The following MLEC variants were observed in gnomAD, a reference collection of about 807,000 sequenced individuals.
MLEC encodes the protein oligosaccharyltransferase complex subunit (non-catalytic).
A neutral mutation model predicts 28.7 loss-of-function variants in MLEC; 7 were observed. The observed-to-expected ratio is 0.24, with a 90% confidence interval of 0.14 to 0.46. The LOEUF (loss-of-function observed/expected upper bound fraction) is 0.46. Ranked by LOEUF, MLEC falls within the 20% of genes least tolerant of loss-of-function variation. MLEC has a pLI of 0.99. For missense variants in MLEC, 237 were observed against 391.1 expected (o/e 0.61, Z 3.32); for synonymous variants, 142 against 164.4 (o/e 0.86, Z 1.04).
In MLEC at chr12:120,694,163, G is replaced by A. The variant is rs1254455106; in HGVS notation, c.308G>A (p.Arg103Gln). 3 of 1,614,168 alleles carry A rather than the reference G, an allele frequency of 1.9e-6. No individual in the cohort carries two copies. Among genetic ancestry groups the A allele is most frequent in the Admixed American group, 1.7e-5 (1 of 60,022 alleles). Residue 103 changes from arginine to glutamine, a missense_variant, in exon 2 of 5, where the codon CGG (arginine) becomes CAG (glutamine). Coordinates refer to ENST00000228506, the MANE Select transcript of MLEC (RefSeq NM_014730.4). The surrounding 1 kb of genome is among the most constrained non-coding windows in gnomAD (Gnocchi z 4.5). ...PEDQILYQTE[R>Q]YNEETFGYEV... is the part of the protein sequence containing the mutation. ...GACCAGATCCTGTATCAAACTGAGC[G>A]GTACAATGAGGAGACCTTTGGCTAC...
chr12:120,699,826 G>C lies in MLEC; in HGVS notation c.*3281G>C, dbSNP rs373694694. On this transcript the variant is annotated 3_prime_UTR_variant, in exon 5 of 5. Coordinates refer to ENST00000228506, the MANE Select transcript of MLEC (RefSeq NM_014730.4). Reference sequence around the variant, plus strand: ...TGGGATCACGTTAGCGGGCATTTAGGCTTTGATGAGAGGGCACAGTTTGAG... The same window carrying C: ...TGGGATCACGTTAGCGGGCATTTAGCCTTTGATGAGAGGGCACAGTTTGAG... 5 of 152,606 alleles carry C rather than the reference G, an allele frequency of 3.3e-5. No individual in the cohort carries two copies. Among genetic ancestry groups the C allele is most frequent in the African/African-American group, 1.2e-4 (5 of 41,416 alleles). The allele number at this position is 152,606 out of a possible 1,614,324, so 9.5% of individuals were successfully genotyped here.
Position 120,687,591 on chromosome 12 carries a change from CG to C in MLEC, c.235+65del. ...GCCTGCTGTGCTGGGCGCAGCCGGC[CG>C]GGGGCTGCGGGCCCCGAGCCCCTTT... On this transcript the variant is annotated intron_variant, in intron 1 of 4. Coordinates refer to ENST00000228506, the MANE Select transcript of MLEC (RefSeq NM_014730.4). This position sits in a 1 kb window ranked among gnomAD's most constrained non-coding sequence, Gnocchi z 8.1. 1.6e-5 allele frequency: 21 copies of C among 1,305,900 alleles called. No homozygotes were observed. The highest frequency in any genetic ancestry group is 2.7e-4 in the Middle Eastern group (1 of 3,662). 80.9% of individuals were successfully genotyped at this position (1,305,900 alleles called of 1,614,324 possible). A position where few individuals can be genotyped will look rare whatever the true frequency, so the allele number is the denominator to read the frequency against.
At position 120,696,849 on chromosome 12, in the gene MLEC, G is replaced by T; in HGVS notation, c.*304G>T. ...TCAAGGATCCTCATTTGTATACCTA[G>T]TGGAAAGGACTCTGAACTCAGAGGA... On this transcript the variant is annotated 3_prime_UTR_variant, in exon 5 of 5. Coordinates refer to ENST00000228506, the MANE Select transcript of MLEC (RefSeq NM_014730.4). This position sits in a 1 kb window ranked among gnomAD's most constrained non-coding sequence, Gnocchi z 5.4. 2.7e-6 allele frequency: 1 copy of T among 369,096 alleles called. No homozygotes were observed. Among genetic ancestry groups the T allele is most frequent in the Non-Finnish European group, 5.0e-6 (1 of 201,362 alleles). 22.9% of individuals were successfully genotyped at this position (369,096 alleles called of 1,614,324 possible).
chr12:120,696,870 G>C lies in MLEC; in HGVS notation c.*325G>C. The C allele has an allele frequency of 3.4e-6, 1 of 291,598 alleles. No individual in the cohort carries two copies. The highest frequency in any genetic ancestry group is 5.2e-5 in the South Asian group (1 of 19,134). 18.1% of individuals were successfully genotyped at this position (291,598 alleles called of 1,614,324 possible). On this transcript the variant is annotated 3_prime_UTR_variant, in exon 5 of 5. Transcript: ENST00000228506. This position sits in a 1 kb window ranked among gnomAD's most constrained non-coding sequence, Gnocchi z 5.4. Reference sequence around the variant, plus strand: ...CCTAGTGGAAAGGACTCTGAACTCAGAGGAGTCACTGTTCCTTTTTTTAGG... The same window carrying C: ...CCTAGTGGAAAGGACTCTGAACTCACAGGAGTCACTGTTCCTTTTTTTAGG...
rs1882417550 is a variant in MLEC at position 120,700,793 on chromosome 12, C to T, written c.*4248C>T. 6.6e-6 allele frequency: 1 copy of T among 152,200 alleles called. No individual in the cohort carries two copies. Among genetic ancestry groups the T allele is most frequent in the Non-Finnish European group, 1.5e-5 (1 of 68,050 alleles). 9.4% of individuals were successfully genotyped at this position (152,200 alleles called of 1,614,324 possible). On this transcript the variant is annotated 3_prime_UTR_variant, in exon 5 of 5. Coordinates refer to ENST00000228506, the MANE Select transcript of MLEC (RefSeq NM_014730.4). The surrounding 1 kb of genome is among the most constrained non-coding windows in gnomAD (Gnocchi z 4.0). ...ATTTTGTTATGAGACTAGATTGGTA[C>T]CAGTAGATCAGCTGCCTAGCGAGGG...
rs1882339021 is a variant in MLEC, at chr12:120,698,889, A to G, written c.*2344A>G. On this transcript the variant is annotated 3_prime_UTR_variant, in exon 5 of 5. Transcript: ENST00000228506. ...CGCTTTCCTCTCTGGTTGTGAACGA[A>G]AGGAAGGAACATCTTTCTATGGCTA... The G allele has an allele frequency of 6.6e-6, 1 of 152,584 alleles. No individual in the cohort carries two copies. The highest frequency in any genetic ancestry group is 1.5e-5 in the Non-Finnish European group (1 of 68,038). 9.5% of individuals were successfully genotyped at this position (152,584 alleles called of 1,614,324 possible).
intron 4 of MLEC, among the ~76,000 whole-genome samples, chr12:120,695,626 G>A (rs1882203214): frequency 6.6e-6 from 1 of 152,196 alleles, no homozygotes; most frequent in South Asian, 2.1e-4. Context: ...TTATCCTTGG[G>A]ATCAAGTCTT....
Position 120,694,984 on chromosome 12 carries a change from A to C in MLEC, c.575A>C (p.Tyr192Ser), listed in dbSNP as rs1212997458. Residue 192 changes from tyrosine (Y) to serine (S), a missense_variant, in exon 3 of 5, where the codon TAC becomes TCC. By Grantham distance (144) the Tyr-to-Ser change is moderately radical. Coordinates refer to ENST00000228506, the MANE Select transcript of MLEC (RefSeq NM_014730.4). The surrounding 1 kb of genome is among the most constrained non-coding windows in gnomAD (Gnocchi z 4.5). Reference sequence around the variant, plus strand: ...GTGTCCACCTTCACAGGGAAACTCTACATTGAGTTTGTCAAGGTAATTCCC... The same window carrying C: ...GTGTCCACCTTCACAGGGAAACTCTCCATTGAGTTTGTCAAGGTAATTCCC... The part of the protein sequence containing the change: ...GEVSTFTGKL[Y>S]IEFVKGYYDN... 2 of 1,614,066 alleles carry C rather than the reference A, an allele frequency of 1.2e-6. No homozygotes were observed. The highest frequency in any genetic ancestry group is 1.7e-6 in the Non-Finnish European group (2 of 1,180,042).
intron 1 of MLEC, among the ~76,000 whole-genome samples, chr12:120,692,198 C>T (rs190977717): frequency 1.0e-3 from 158 of 152,250 alleles, no homozygotes; most frequent in Admixed American, 0.01. Context: ...CAATTCCCCA[C>T]CCATGCACAA....
In MLEC at chr12:120,687,347, G is replaced by A. The variant is rs1881860961; in HGVS notation, c.51G>A (p.Leu17=). 3.8e-6 allele frequency: 5 copies of A among 1,317,800 alleles called. No homozygotes were observed. Among genetic ancestry groups the A allele is most frequent in the Non-Finnish European group, 4.9e-6 (5 of 1,023,128 alleles). 81.6% of individuals were successfully genotyped at this position (1,317,800 alleles called of 1,614,324 possible). A position where few individuals can be genotyped will look rare whatever the true frequency, so the allele number is the denominator to read the frequency against. ...VEGTAVALLR[L]LLLLLPPAIR... is the part of the protein sequence containing the mutation. The stretch of plus-strand genomic sequence containing the variant: ...GAACCGCTGTGGCGCTCCTGCGACT[G>A]CTGCTGCTGCTGCTGCCGCCGGCGA... Residue 17 remains leucine, a synonymous_variant, in exon 1 of 5, where the codon CTG becomes CTA. Transcript: ENST00000228506. This position sits in a 1 kb window ranked among gnomAD's most constrained non-coding sequence, Gnocchi z 8.1.
chr12:120,688,475 A>G (rs1010541998), intron 1 of MLEC, among the ~76,000 whole-genome samples: 1 of 152,208 alleles, frequency 6.6e-6, no homozygotes, highest in Non-Finnish European at 1.5e-5. Flanking sequence ...GATCAGCTTT[A>G]TAATCTTTGT....
In MLEC at chr12:120,694,833, G is replaced by A. The variant is rs192565584; in HGVS notation, c.424G>A (p.Val142Ile). 4.3e-6 allele frequency: 7 copies of A among 1,612,232 alleles called. No homozygotes were observed. In the Admixed American group the frequency reaches 6.7e-5, roughly 15 times the overall value. ...TTTCTTATCCTGGAAGGTATTTGAT[G>A]TACGATTGAATGGCCACGTCGTGGT... ...FAQSQQKVFD[V>I]RLNGHVVVKD... The change falls in exon 3 of 5, where the codon GTA (valine) becomes ATA (isoleucine). Residue 142 changes from valine to isoleucine, a missense_variant. Transcript: ENST00000228506. The surrounding 1 kb of genome is among the most constrained non-coding windows in gnomAD (Gnocchi z 4.5).
rs2137426421 is a variant in MLEC, at chr12:120,700,784, A to T, written c.*4239A>T. 6.6e-6 allele frequency: 1 copy of T among 152,328 alleles called. No individual in the cohort carries two copies. Among genetic ancestry groups the T allele is most frequent in the South Asian group, 2.1e-4 (1 of 4,824 alleles). 9.4% of individuals were successfully genotyped at this position (152,328 alleles called of 1,614,324 possible). On this transcript the variant is annotated 3_prime_UTR_variant, in exon 5 of 5. Coordinates refer to ENST00000228506, the MANE Select transcript of MLEC (RefSeq NM_014730.4). This position sits in a 1 kb window ranked among gnomAD's most constrained non-coding sequence, Gnocchi z 4.0. ...GATTTCCTCATTTTGTTATGAGACTAGATTGGTACCAGTAGATCAGCTGCC... is the reference window on the plus strand; with the variant it reads ...GATTTCCTCATTTTGTTATGAGACTTGATTGGTACCAGTAGATCAGCTGCC...
At chr12:120,693,043 A>G (rs1056857930) in intron 1 of MLEC, among the ~76,000 whole-genome samples, 2 of 152,190 alleles carry the variant, frequency 1.3e-5, no homozygotes, top group Non-Finnish European at 2.9e-5. Flanking sequence ...GAGGAAGAAA[A>G]AAACATATAT....
Position 120,696,381 on chromosome 12 carries a change from T to A in MLEC, c.715T>A (p.Tyr239Asn). Reference sequence around the variant, plus strand: ...AGAAGAGGAAGAAGAAGAAGAAGAATATGATGAAGGGTCTAATCTCAAAAA... The same window carrying A: ...AGAAGAGGAAGAAGAAGAAGAAGAAAATGATGAAGGGTCTAATCTCAAAAA... ...KKEEEEEEEE[Y>N]DEGSNLKKQT... is the part of the protein sequence containing the mutation. The change falls in exon 5 of 5, where the codon TAT (tyrosine) becomes AAT (asparagine). Residue 239 changes from tyrosine to asparagine, a missense_variant. By Grantham distance (143) the Tyr-to-Asn change is moderately radical (BLOSUM62 -2). Coordinates refer to ENST00000228506, the MANE Select transcript of MLEC (RefSeq NM_014730.4). The surrounding 1 kb of genome is among the most constrained non-coding windows in gnomAD (Gnocchi z 5.4). 1 of 1,614,062 alleles carries A rather than the reference T, an allele frequency of 6.2e-7. No individual in the cohort carries two copies. Among genetic ancestry groups the A allele is most frequent in the Non-Finnish European group, 8.5e-7 (1 of 1,179,988 alleles).
chr12:120,694,568 G>A lies in MLEC; in HGVS notation c.415-256G>A, dbSNP rs1333470105. ...TTATTTTTCCTCTGTCCCTTCCTGTGAATTTCCTTCTTCCTATGCTAAGCT... is the reference window on the plus strand; with the variant it reads ...TTATTTTTCCTCTGTCCCTTCCTGTAAATTTCCTTCTTCCTATGCTAAGCT... On this transcript the variant is annotated intron_variant, in intron 2 of 4. Transcript: ENST00000228506. The surrounding 1 kb of genome is among the most constrained non-coding windows in gnomAD (Gnocchi z 4.5). Among the ~76,000 whole-genome samples, 1 of 152,088 alleles carries A rather than the reference G, an allele frequency of 6.6e-6. No individual in the cohort carries two copies. Among genetic ancestry groups the A allele is most frequent in the Non-Finnish European group, 1.5e-5 (1 of 68,002 alleles).
chr12:120,689,052 T>C (rs890479517), intron 1 of MLEC, among the ~76,000 whole-genome samples: 1 of 152,248 alleles, frequency 6.6e-6, no homozygotes, highest in Non-Finnish European at 1.5e-5. Context: ...AGCGGATGGT[T>C]TCTTTCACTT....
rs1311188560 is a variant in MLEC at position 120,687,837 on chromosome 12, C to T, written c.235+306C>T. 6.6e-6 allele frequency among the ~76,000 whole-genome samples: 1 copy of T among 152,186 alleles called. No individual in the cohort carries two copies. The highest frequency in any genetic ancestry group is 1.5e-5 in the Non-Finnish European group (1 of 68,028). On this transcript the variant is annotated intron_variant, in intron 1 of 4. Transcript: ENST00000228506. This position sits in a 1 kb window ranked among gnomAD's most constrained non-coding sequence, Gnocchi z 8.1. ...AAATGACGAAGGCGGCCTTTTGCTA[C>T]CTCCAGGCCTCGCGGGTTGTAGGTC... is the stretch of plus-strand genomic sequence containing the variant.
intron 4 of MLEC, 86 bp downstream of exon 4, chr12:120,695,238 A>G (rs1566014339): frequency 7.0e-7 from 1 of 1,429,464 alleles, no homozygotes; most frequent in African/African-American, 1.4e-5. Flanking sequence ...GCTGATGACT[A>G]TTTTGGAAAC....
Sources: allele counts gnomAD v4.1 joint callset (sites outside exome capture counted in the v4.1 genomes callset), GRCh38; gene constraint gnomAD v4.1.1; non-coding constraint Gnocchi (gnomAD v3.1); transcripts MANE v1.5; gene names NCBI Gene and HGNC (gene_info 2026-07-23, HGNC 2026-07-21).